SEPTIN9: variants seen among roughly 807,000 people sequenced by gnomAD.
The protein encoded by SEPTIN9 is septin-9.
Under a neutral mutation model 56.6 loss-of-function variants are expected in SEPTIN9, and 13 were observed. That is an observed-to-expected ratio of 0.23 (90% CI 0.15 to 0.37). SEPTIN9 has a LOEUF of 0.37. SEPTIN9 is among the 10% of genes least tolerant of loss of function. The pLI, the probability that SEPTIN9 is intolerant of heterozygous loss-of-function variation, is 1.00. For missense variants in SEPTIN9, 650 were observed against 823.1 expected (o/e 0.79, Z 2.57); for synonymous variants, 332 against 334.1 (o/e 0.99, Z 0.07).
intron 3 of SEPTIN9, among the ~76,000 whole-genome samples, chr17:77,468,786 G>T (rs1458882268): frequency 6.6e-6 from 1 of 152,214 alleles, no homozygotes; most frequent in African/African-American, 2.4e-5. Context: ...GCTTTGAGGA[G>T]GAGGGATTCG....
rs187008822 is a variant in SEPTIN9, at chr17:77,433,901, G to A, written c.721+31198G>A. 1.0e-3 allele frequency among the ~76,000 whole-genome samples: 153 copies of A among 152,236 alleles called. 1 individual carries two copies. The Middle Eastern group carries it at 0.014, about 14-fold the overall frequency. ...TGGTCCTAATTAGGACCTTCCGCCCGTTGGTGGATGGGCAGAGAGGGGAGC... is the reference window on the plus strand; with the variant it reads ...TGGTCCTAATTAGGACCTTCCGCCCATTGGTGGATGGGCAGAGAGGGGAGC... On this transcript the variant is annotated intron_variant, in intron 3 of 11. Transcript: ENST00000427177. The surrounding 1 kb of genome is among the most constrained non-coding windows in gnomAD (Gnocchi z 6.4).
chr17:77,421,643 G>A lies in SEPTIN9; in HGVS notation c.721+18940G>A, dbSNP rs75195158. On this transcript the variant is annotated intron_variant, in intron 3 of 11. Coordinates refer to ENST00000427177, the MANE Select transcript of SEPTIN9 (RefSeq NM_001113491.2). The surrounding 1 kb of genome is among the most constrained non-coding windows in gnomAD (Gnocchi z 4.6). The stretch of plus-strand genomic sequence containing the variant: ...TTGGGCCATTCACCTGAGGTTTATT[G>A]ATCTTTCTCTTTGGAACTGGAGTGG... 0.014 allele frequency among the ~76,000 whole-genome samples: 2,134 copies of A among 152,254 alleles called. 96 individuals carry two copies. In the East Asian group the frequency reaches 0.17, roughly 12 times the overall value.
intron 2 of SEPTIN9, among the ~76,000 whole-genome samples, chr17:77,392,646 G>A (rs1209423585): frequency 6.6e-6 from 1 of 152,152 alleles, no homozygotes; most frequent in Non-Finnish European, 1.5e-5. Flanking sequence ...CAGAGGGGGA[G>A]GGGACTGGGA....
At chr17:77,314,551 A>T (rs185342444) in intron 2 of SEPTIN9, among the ~76,000 whole-genome samples, 16 of 151,958 alleles carry the variant, frequency 1.1e-4, no homozygotes, top group African/African-American at 3.6e-4. Flanking sequence ...AGCATGGAGG[A>T]TTTACTGGAA....
At chr17:77,284,223 G>GGCTACTCAGGAGGCTGAGACACGAGGA (rs2031168628) in intron 1 of SEPTIN9, among the ~76,000 whole-genome samples, 4 of 151,806 alleles carry the variant, frequency 2.6e-5, no homozygotes, top group Admixed American at 1.3e-4. Context: ...GAAGCCAGGA[G>GGCTACTCAGGAGGCTGAGACACGAGGA]TTCAAGGCTG....
intron 2 of SEPTIN9, among the ~76,000 whole-genome samples, chr17:77,350,169 C>G (rs542981051): frequency 6.6e-6 from 1 of 152,206 alleles, no homozygotes; most frequent in Non-Finnish European, 1.5e-5. Flanking sequence ...CCTCAAGTTG[C>G]CCAGCATCAG....
At chr17:77,363,600 C>A (rs889574571) in intron 2 of SEPTIN9, among the ~76,000 whole-genome samples, 5 of 152,008 alleles carry the variant, frequency 3.3e-5, no homozygotes, top group African/African-American at 1.2e-4. Flanking sequence ...GTTGGCCAGG[C>A]TGGTCTCGAA....
chr17:77,468,136 G>T (rs1378157621), intron 3 of SEPTIN9, among the ~76,000 whole-genome samples: 1 of 152,108 alleles, frequency 6.6e-6, no homozygotes, highest in African/African-American at 2.4e-5. Context: ...GTGGTGGCGG[G>T]CGCCTGTAAT....
Position 77,475,536 on chromosome 17 carries a change from G to A in SEPTIN9, c.722-6608G>A, listed in dbSNP as rs567493408. ...GTGCCCCCATGGGCTCAAGTTTCTG[G>A]GAAGGCCTGCAGGTGGCCGTAGGGC... On this transcript the variant is annotated intron_variant, in intron 3 of 11. Coordinates refer to ENST00000427177, the MANE Select transcript of SEPTIN9 (RefSeq NM_001113491.2). This position sits in a 1 kb window ranked among gnomAD's most constrained non-coding sequence, Gnocchi z 4.6. The A allele has an allele frequency of 9.3e-6, 15 of 1,612,024 alleles. No individual in the cohort carries two copies. The highest frequency in any genetic ancestry group is 1.1e-5 in the Non-Finnish European group (13 of 1,179,548).
At chr17:77,473,988 C>T (rs2039111453) in intron 3 of SEPTIN9, among the ~76,000 whole-genome samples, 1 of 152,216 alleles carries the variant, frequency 6.6e-6, no homozygotes, top group African/African-American at 2.4e-5. Flanking sequence ...GTCTAGTTTC[C>T]AGCCCTGTCG....
chr17:77,349,970 A>G (rs1002372431), intron 2 of SEPTIN9, among the ~76,000 whole-genome samples: 5 of 152,132 alleles, frequency 3.3e-5, no homozygotes, highest in Admixed American at 6.5e-5. Flanking sequence ...CCTCATTAGT[A>G]CAGTCCAGAA....
intron 2 of SEPTIN9, among the ~76,000 whole-genome samples, chr17:77,396,041 G>A (rs1345587449): frequency 6.6e-6 from 1 of 152,186 alleles, no homozygotes; most frequent in Non-Finnish European, 1.5e-5. Context: ...GGGACCCAGG[G>A]AGGCTTTTGG....
intron 11 of SEPTIN9, 26 bp downstream of exon 11, chr17:77,497,392 G>A: frequency 1.2e-6 from 2 of 1,609,868 alleles, no homozygotes; most frequent in South Asian, 1.1e-5. Flanking sequence ...CTTGGGTGGG[G>A]CTGACGGCTT....
In SEPTIN9 at chr17:77,450,309, A is replaced by G. The variant is rs200162375; in HGVS notation, c.722-31835A>G. Among the ~76,000 whole-genome samples the G allele has an allele frequency of 2.3e-3, 343 of 152,268 alleles. 11 individuals carry two copies. The South Asian group carries it at 0.055, about 25-fold the overall frequency. Reference sequence around the variant, plus strand: ...TGTGGGGGTGCGGGATGGGAAAGGTAAGAGTGTGTGGAGCCCAGTCAGCAC... The same window carrying G: ...TGTGGGGGTGCGGGATGGGAAAGGTGAGAGTGTGTGGAGCCCAGTCAGCAC... On this transcript the variant is annotated intron_variant, in intron 3 of 11. Coordinates refer to ENST00000427177, the MANE Select transcript of SEPTIN9 (RefSeq NM_001113491.2). The surrounding 1 kb of genome is among the most constrained non-coding windows in gnomAD (Gnocchi z 6.0).
chr17:77,456,251 C>T lies in SEPTIN9; in HGVS notation c.722-25893C>T, dbSNP rs1257786919. 1 of 152,330 alleles carries T rather than the reference C, an allele frequency of 6.6e-6. No individual in the cohort carries two copies. The highest frequency in any genetic ancestry group is 1.9e-4 in the East Asian group (1 of 5,196). 9.4% of individuals were successfully genotyped at this position (152,330 alleles called of 1,614,324 possible). On this transcript the variant is annotated intron_variant, in intron 3 of 11. Transcript: ENST00000427177. The surrounding 1 kb of genome is among the most constrained non-coding windows in gnomAD (Gnocchi z 6.0). Reference sequence around the variant, plus strand: ...CAGCGCAGACCTGGCACGGAGAGGCCTGGAGGAGGAGCAGGGGGTCTCAGC... The same window carrying T: ...CAGCGCAGACCTGGCACGGAGAGGCTTGGAGGAGGAGCAGGGGGTCTCAGC...
chr17:77,343,685 A>G (rs1343780740), intron 2 of SEPTIN9, among the ~76,000 whole-genome samples: 1 of 152,174 alleles, frequency 6.6e-6, no homozygotes, highest in Admixed American at 6.6e-5. Flanking sequence ...TGGAACCCTT[A>G]ACCTATGGGA....
At chr17:77,442,630 C>G (rs150633912) in intron 3 of SEPTIN9, among the ~76,000 whole-genome samples, 4,477 of 149,532 alleles carry the variant, frequency 0.03, 202 homozygotes, top group African/African-American at 0.1. Context: ...CCCGGCACTT[C>G]GGGAGGCCGA....
At chr17:77,407,644 G>T (rs2036137374) in intron 3 of SEPTIN9, among the ~76,000 whole-genome samples, 1 of 152,194 alleles carries the variant, frequency 6.6e-6, no homozygotes, top group Admixed American at 6.5e-5. Flanking sequence ...AGGCGCTGCA[G>T]AGGGCAGAGG....
rs539590267 is a variant in SEPTIN9 at position 77,437,598 on chromosome 17, A to G, written c.721+34895A>G. 1.4e-4 allele frequency among the ~76,000 whole-genome samples: 21 copies of G among 151,946 alleles called. No individual in the cohort carries two copies. In the South Asian group the frequency reaches 4.4e-3, roughly 32 times the overall value. On this transcript the variant is annotated intron_variant, in intron 3 of 11. Transcript: ENST00000427177. This position sits in a 1 kb window ranked among gnomAD's most constrained non-coding sequence, Gnocchi z 5.3. ...GCTTGTCGACTGCTCTGACCTCCTGATGCTTCTGGTGGGGAGACCTCAGAG... is the reference window on the plus strand; with the variant it reads ...GCTTGTCGACTGCTCTGACCTCCTGGTGCTTCTGGTGGGGAGACCTCAGAG...
Sources: gnomAD v4.1 joint callset for allele counts (sites outside exome capture counted in the v4.1 genomes callset) on GRCh38, gnomAD v4.1.1 for gene constraint, Gnocchi (gnomAD v3.1) non-coding constraint, MANE v1.5 for transcripts, NCBI Gene and HGNC (gene_info 2026-07-23, HGNC 2026-07-21) for gene names.